The following ADAMTSL3 variants were observed in gnomAD, a reference collection of about 807,000 sequenced individuals.
The protein encoded by ADAMTSL3 is ADAMTS-like protein 3.
A neutral mutation model predicts 201.7 loss-of-function variants in ADAMTSL3; 128 were observed. The ratio of observed to expected loss-of-function variants is 0.63; its 90% CI spans 0.55 to 0.73. The LOEUF (loss-of-function observed/expected upper bound fraction) is 0.73. Ranked by LOEUF, ADAMTSL3 falls within the 30% of genes least tolerant of loss-of-function variation. The pLI is 0.00. For synonymous variants in ADAMTSL3, 738 were observed against 748.4 expected (o/e 0.99, Z 0.23); for missense variants, 1,990 against 2,119.6 (o/e 0.94, Z 1.20).
At chr15:83,796,432 A>G (rs60926638) in intron 4 of ADAMTSL3, among the ~76,000 whole-genome samples, 25,451 of 152,256 alleles carry the variant, frequency 0.17, 2,489 homozygotes, top group East Asian at 0.41. Flanking sequence ...AGTAAAATAT[A>G]TGGTATGTTG....
At chr15:83,835,366 A>G (rs944389833) in intron 6 of ADAMTSL3, among the ~76,000 whole-genome samples, 1 of 152,146 alleles carries the variant, frequency 6.6e-6, no homozygotes, top group Non-Finnish European at 1.5e-5. Flanking sequence ...TTTCTTTTCA[A>G]ATATCATTTT....
chr15:83,695,150 A>G (rs965625009), intron 2 of ADAMTSL3, among the ~76,000 whole-genome samples: 7 of 41,584 alleles, frequency 1.7e-4, no homozygotes, highest in African/African-American at 4.8e-4. Context: ...TGGTGTAGGT[A>G]TGTGTGTGTG....
At chr15:83,975,196 G>T (rs1003945957) in intron 20 of ADAMTSL3, among the ~76,000 whole-genome samples, 1 of 151,692 alleles carries the variant, frequency 6.6e-6, no homozygotes, top group Non-Finnish European at 1.5e-5. Context: ...TAGAGACGGG[G>T]TTTCACCATG....
chr15:83,948,477 G>A (rs537221264), intron 19 of ADAMTSL3, among the ~76,000 whole-genome samples: 2 of 150,298 alleles, frequency 1.3e-5, no homozygotes, highest in African/African-American at 4.9e-5. Context: ...TCAGCTTATC[G>A]ATGGTGCTTA....
chr15:84,024,531 C>A (rs1227246094), intron 26 of ADAMTSL3, among the ~76,000 whole-genome samples: 1 of 152,162 alleles, frequency 6.6e-6, no homozygotes, highest in Non-Finnish European at 1.5e-5. Flanking sequence ...AGACGGAATT[C>A]TTTTTCCATC....
chr15:83,672,193 A>G (rs1417070772), intron 2 of ADAMTSL3, among the ~76,000 whole-genome samples: 3 of 152,178 alleles, frequency 2.0e-5, no homozygotes, highest in African/African-American at 7.2e-5. Context: ...GGTATAGCTC[A>G]TTTAGGAGTA....
At chr15:83,673,601 T>C (rs1438853628) in intron 2 of ADAMTSL3, among the ~76,000 whole-genome samples, 1 of 152,148 alleles carries the variant, frequency 6.6e-6, no homozygotes, top group Admixed American at 6.5e-5. Context: ...GTCCTAGATG[T>C]TAACAGTTTT....
In ADAMTSL3 at chr15:84,021,453, C is replaced by T. The variant is rs766761265; in HGVS notation, c.4317C>T (p.Thr1439=). 6.2e-7 allele frequency: 1 copy of T among 1,614,124 alleles called. No individual in the cohort carries two copies. The highest frequency in any genetic ancestry group is 8.5e-7 in the Non-Finnish European group (1 of 1,180,020). ...GTAACTGGTCACATTGTTCTGCCAC[C>T]TGTGGTCATTTGGGAGCCCGCATTC... The part of the protein sequence containing the change: ...EPGNWSHCSA[T]CGHLGARIQR... Residue 1439 remains threonine, a synonymous_variant, in exon 26 of 30, where the codon ACC becomes ACT. Coordinates refer to ENST00000286744, the MANE Select transcript of ADAMTSL3 (RefSeq NM_207517.3).
intron 6 of ADAMTSL3, chr15:83,824,854 TAAA>T (rs931230986): frequency 1.3e-5 from 2 of 152,160 alleles, no homozygotes; most frequent in Non-Finnish European, 2.9e-5. Context: ...AAATTTAAGA[TAAA>T]AAATTAAATT....
chr15:83,804,071 A>T (rs942142043), intron 4 of ADAMTSL3, among the ~76,000 whole-genome samples: 7 of 152,090 alleles, frequency 4.6e-5, no homozygotes, highest in African/African-American at 1.4e-4. Context: ...TGAACCTGGG[A>T]GATGGAGATT....
At chr15:83,798,806 CAAA>C (rs11340224) in intron 4 of ADAMTSL3, among the ~76,000 whole-genome samples, 11,489 of 76,210 alleles carry the variant, frequency 0.15, 466 homozygotes, top group East Asian at 0.31. Flanking sequence ...GACTCCGTCT[CAAA>C]AAAAAAAAAA....
intron 3 of ADAMTSL3, among the ~76,000 whole-genome samples, chr15:83,726,509 A>C (rs2062177521): frequency 1.3e-5 from 2 of 152,138 alleles, no homozygotes; most frequent in Non-Finnish European, 1.5e-5. Flanking sequence ...TCCCTTATGC[A>C]GTATGATACC....
chr15:83,960,543 T>C (rs1260411118), intron 19 of ADAMTSL3, among the ~76,000 whole-genome samples: 1 of 151,962 alleles, frequency 6.6e-6, no homozygotes, highest in Non-Finnish European at 1.5e-5. Flanking sequence ...TGCAGAACCA[T>C]GATGGGAGAC....
At chr15:83,951,385 G>A (rs970655373) in intron 19 of ADAMTSL3, among the ~76,000 whole-genome samples, 1 of 152,062 alleles carries the variant, frequency 6.6e-6, no homozygotes, top group Non-Finnish European at 1.5e-5. Context: ...CATGATGAAT[G>A]ATCTTTTACT....
At chr15:83,786,682 C>CGTCT (rs2063269298) in intron 4 of ADAMTSL3, among the ~76,000 whole-genome samples, 1 of 152,104 alleles carries the variant, frequency 6.6e-6, no homozygotes, top group Admixed American at 6.5e-5. Flanking sequence ...TAACCACCTG[C>CGTCT]GTCTTATCCT....
At chr15:83,698,684 C>T (rs759772714) in intron 2 of ADAMTSL3, among the ~76,000 whole-genome samples, 10 of 152,296 alleles carry the variant, frequency 6.6e-5, no homozygotes, top group Admixed American at 2.0e-4. Flanking sequence ...AAATGTCCAA[C>T]GCATGTTTGG....
At position 83,982,556 on chromosome 15, in the gene ADAMTSL3, C is replaced by G. The variant is rs1380028217; in HGVS notation, c.2928C>G (p.Asp976Glu). The G allele has an allele frequency of 6.2e-7, 1 of 1,614,210 alleles. No homozygotes were observed. Among genetic ancestry groups the G allele is most frequent in the Admixed American group, 1.7e-5 (1 of 60,026 alleles). ...SLKIHGLAAP[D>E]IGVYRCIAGS... ...AAATCCATGGTCTTGCTGCCCCCGA[C>G]ATCGGCGTGTACCGGTGCATTGCAG... The change falls in exon 21 of 30, where the codon GAC (aspartate) becomes GAG (glutamate). Residue 976 changes from aspartate to glutamate, a missense_variant. Coordinates refer to ENST00000286744, the MANE Select transcript of ADAMTSL3 (RefSeq NM_207517.3).
intron 17 of ADAMTSL3, among the ~76,000 whole-genome samples, chr15:83,940,173 A>G (rs1351281159): frequency 2.0e-5 from 3 of 152,216 alleles, no homozygotes; most frequent in South Asian, 2.1e-4. Flanking sequence ...TAAAAATACT[A>G]TTTACTTTCC....
chr15:83,805,189 GA>G (rs755573957), intron 5 of ADAMTSL3, among the ~76,000 whole-genome samples: 6 of 152,126 alleles, frequency 3.9e-5, no homozygotes, highest in African/African-American at 7.2e-5. Flanking sequence ...AAATCACACA[GA>G]AATATACAAA....
Sources: gnomAD v4.1 joint callset for allele counts (sites outside exome capture counted in the v4.1 genomes callset) on GRCh38, gnomAD v4.1.1 for gene constraint, MANE v1.5 for transcripts, NCBI Gene and HGNC (gene_info 2026-07-23, HGNC 2026-07-21) for gene names.